Variants in HCK observed in about 807,000 individuals in gnomAD.
The protein encoded by HCK is HCK proto-oncogene, Src family tyrosine kinase.
HCK carries 40 observed loss-of-function variants against 70.4 expected under a neutral mutation model. The ratio of observed to expected loss-of-function variants is 0.57; its 90% CI spans 0.44 to 0.74. HCK has a LOEUF of 0.74. Among genes scored for constraint, HCK ranks in the 30% least tolerant of loss-of-function variants. HCK has a pLI of 0.00. For synonymous variants in HCK, 245 were observed against 263.2 expected, an observed-to-expected ratio of 0.93 and a Z score of 0.67; for missense variants, 568 against 697.2, an observed-to-expected ratio of 0.81 and a Z score of 2.09.
intron 5 of HCK, among the ~76,000 whole-genome samples, chr20:32,078,403 T>C (rs1351698517): frequency 6.6e-6 from 1 of 151,998 alleles, no homozygotes; most frequent in East Asian, 1.9e-4. Context: ...CAAGTCACTT[T>C]ACAACATGAA....
At chr20:32,052,650 C>G (rs1020889475) in intron 1 of HCK, among the ~76,000 whole-genome samples, 164 bp downstream of exon 1, 9 of 151,992 alleles carry the variant, frequency 5.9e-5, no homozygotes, top group African/African-American at 2.2e-4. Context: ...GATGAGGGGT[C>G]GACAGCGAGT....
At chr20:32,094,788 A>AAGGAAAGAAAGAAG (rs879484597) in intron 11 of HCK, among the ~76,000 whole-genome samples, 1 of 24,632 alleles carries the variant, frequency 4.1e-5, no homozygotes, top group African/African-American at 1.1e-4. Context: ...AGAGAGAAAG[A>AAGGAAAGAAAGAAG]GAAAGAAAGA....
In HCK at chr20:32,082,651, A is replaced by C. The variant is rs527997368; in HGVS notation, c.533-1243A>C. 3.0e-3 allele frequency among the ~76,000 whole-genome samples: 456 copies of C among 152,196 alleles called. 1 individual carries two copies. The highest frequency in any genetic ancestry group is 9.3e-3 in the South Asian group (45 of 4,818). The stretch of plus-strand genomic sequence containing the variant: ...AGCGAGACTCTGACACACACACACA[A>C]AAAATAAAGTTTAAACTTCCCAAAT... On this transcript the variant is annotated intron_variant, in intron 6 of 12. Transcript: ENST00000375852.
At chr20:32,053,864 C>T (rs895746197) in intron 1 of HCK, among the ~76,000 whole-genome samples, 1 of 152,040 alleles carries the variant, frequency 6.6e-6, no homozygotes, top group Non-Finnish European at 1.5e-5. Context: ...ATGAGAACTT[C>T]CATCCCCGGT....
Position 32,074,611 on chromosome 20 carries a change from C to T in HCK, c.330-12C>T. The T allele has an allele frequency of 1.3e-6, 2 of 1,591,130 alleles. No homozygotes were observed. Among genetic ancestry groups the T allele is most frequent in the African/African-American group, 1.3e-5 (1 of 74,578 alleles). On this transcript the variant is annotated splice_polypyrimidine_tract_variant and intron_variant, in intron 4 of 12. Coordinates refer to ENST00000375852, the MANE Select transcript of HCK (RefSeq NM_002110.5). The stretch of plus-strand genomic sequence containing the variant: ...TCTGTCCCTAACACCTTTACTCCCT[C>T]ATGTCCCTCAGATCCGGGGAGTGGT...
In HCK at chr20:32,073,299, C is replaced by CTCTCA; in HGVS notation, c.184-18_184-14dup. ...ACACATTGGTCAGATTCATTCTCTT[C>CTCTCA]TCTCATTTCTTCCCCACAGGGGCCT... On this transcript the variant is annotated intron_variant, in intron 2 of 12. Transcript: ENST00000375852. 1 of 1,608,140 alleles carries CTCTCA rather than the reference C, an allele frequency of 6.2e-7. No homozygotes were observed. The highest frequency in any genetic ancestry group is 8.5e-7 in the Non-Finnish European group (1 of 1,175,786).
At chr20:32,076,066 T>G (rs1243144712) in intron 5 of HCK, among the ~76,000 whole-genome samples, 3 of 152,194 alleles carry the variant, frequency 2.0e-5, no homozygotes, top group African/African-American at 7.2e-5. Flanking sequence ...CTCACACCTG[T>G]AATCCCAGCA....
Position 32,071,774 on chromosome 20 carries a change from A to C in HCK, c.175A>C (p.Ile59Leu), listed in dbSNP as rs372621598. 8.1e-6 allele frequency: 13 copies of C among 1,613,566 alleles called. No individual in the cohort carries two copies. In the African/African-American group the frequency reaches 1.7e-4, roughly 22 times the overall value. ...GTACGTGCCGGATCCCACATCCACC[A>C]TCAAGCCGGTGAGTAGGGGAGGTCC... Residue 59 changes from isoleucine to leucine, a missense_variant, in exon 2 of 13, where the codon ATC becomes CTC. Coordinates refer to ENST00000375852, the MANE Select transcript of HCK (RefSeq NM_002110.5).
Position 32,093,316 on chromosome 20 carries a change from A to G in HCK, c.1093-547A>G, listed in dbSNP as rs184116804. Among the ~76,000 whole-genome samples, 491 of 152,246 alleles carry G rather than the reference A, an allele frequency of 3.2e-3. 1 individual carries two copies. The highest frequency in any genetic ancestry group is 5.9e-3 in the Non-Finnish European group (403 of 68,006). ...CGGGCTCATCACCTGTTCAAGCAACATGTCTGGCACCCACAAGACACTCAG... is the reference window on the plus strand; with the variant it reads ...CGGGCTCATCACCTGTTCAAGCAACGTGTCTGGCACCCACAAGACACTCAG... On this transcript the variant is annotated intron_variant, in intron 10 of 12. Coordinates refer to ENST00000375852, the MANE Select transcript of HCK (RefSeq NM_002110.5).
chr20:32,085,333 T>A (rs1375098692), intron 8 of HCK, among the ~76,000 whole-genome samples: 1 of 151,982 alleles, frequency 6.6e-6, no homozygotes, highest in Non-Finnish European at 1.5e-5. Context: ...GATAGTATAG[T>A]GAAATCCCGT....
At chr20:32,071,861 C>A in intron 2 of HCK, 79 bp downstream of exon 2, 1 of 1,535,434 alleles carries the variant, frequency 6.5e-7, no homozygotes. Context: ...CCTGTCTTCC[C>A]AAGGTTGGGC....
chr20:32,060,611 A>G (rs1375183980), intron 1 of HCK, among the ~76,000 whole-genome samples: 2 of 152,232 alleles, frequency 1.3e-5, no homozygotes, highest in Non-Finnish European at 2.9e-5. Context: ...CCTTACTGTC[A>G]TATCTCATAT....
intron 9 of HCK, among the ~76,000 whole-genome samples, chr20:32,088,076 G>T (rs1332166543): frequency 6.6e-6 from 1 of 152,004 alleles, no homozygotes; most frequent in Non-Finnish European, 1.5e-5. Context: ...ATATATATTT[G>T]TAAATTTCTT....
intron 10 of HCK, 87 bp downstream of exon 10, chr20:32,088,731 A>G: frequency 1.1e-6 from 1 of 908,526 alleles, no homozygotes; most frequent in South Asian, 1.4e-5. Context: ...TACTATGATG[A>G]TAGCAGTAAT....
chr20:32,055,580 G>A (rs1174809204), intron 1 of HCK, among the ~76,000 whole-genome samples: 1 of 152,038 alleles, frequency 6.6e-6, no homozygotes, highest in Non-Finnish European at 1.5e-5. Context: ...ATATTCCACT[G>A]TTTGCCTGTA....
intron 10 of HCK, among the ~76,000 whole-genome samples, chr20:32,089,364 A>G (rs1269569836): frequency 6.6e-6 from 1 of 152,246 alleles, no homozygotes; most frequent in Non-Finnish European, 1.5e-5. Context: ...AGTAAAGTAC[A>G]GATGTGGAAA....
intron 11 of HCK, among the ~76,000 whole-genome samples, 198 bp downstream of exon 11, chr20:32,094,214 T>A (rs2045903199): frequency 6.6e-6 from 1 of 152,156 alleles, no homozygotes; most frequent in South Asian, 2.1e-4. Context: ...AGATTTTAGA[T>A]CAGATTGAGA....
chr20:32,089,883 A>T (rs2045841428), intron 10 of HCK, among the ~76,000 whole-genome samples: 1 of 152,266 alleles, frequency 6.6e-6, no homozygotes, highest in Non-Finnish European at 1.5e-5. Context: ...AAGGTCTTTT[A>T]GACAAAAGAA....
chr20:32,080,329 G>T (rs1466545756), intron 6 of HCK, among the ~76,000 whole-genome samples: 1 of 152,118 alleles, frequency 6.6e-6, no homozygotes, highest in African/African-American at 2.4e-5. Flanking sequence ...CTTCCAAGTA[G>T]CTGGGATTAC....
Sources: gnomAD v4.1 joint callset for allele counts (sites outside exome capture counted in the v4.1 genomes callset) on GRCh38, gnomAD v4.1.1 for gene constraint, MANE v1.5 for transcripts, NCBI Gene and HGNC (gene_info 2026-07-23, HGNC 2026-07-21) for gene names.